Variants in THUMPD3 observed in about 807,000 individuals in gnomAD.
THUMPD3 encodes THUMP domain 3 tRNA guanosine methyltransferase.
In THUMPD3, 44 loss-of-function variants were observed where a neutral mutation model predicts 54.5. That is an observed-to-expected ratio of 0.81 (90% CI 0.63 to 1.04). The LOEUF is 1.04. THUMPD3 is among the 50% of genes least tolerant of loss of function. The probability of loss-of-function intolerance (pLI) is 0.00; values close to 1 mark genes in which losing one functional copy is unlikely to be tolerated. For synonymous variants in THUMPD3, 196 were observed against 201.4 expected (o/e 0.97, Z 0.23); for missense variants, 604 against 601.3 (o/e 1.00, Z -0.05).
At chr3:9,374,334 G>C (rs1289543213) in intron 4 of THUMPD3, among the ~76,000 whole-genome samples, 182 bp from the exon 5 acceptor site, 1 of 152,120 alleles carries the variant, frequency 6.6e-6, no homozygotes, top group Non-Finnish European at 1.5e-5. Flanking sequence ...GTTCTGGGCT[G>C]TGGTGCGCTA....
intron 7 of THUMPD3, among the ~76,000 whole-genome samples, chr3:9,382,553 A>G (rs989751471): frequency 2.0e-5 from 3 of 152,196 alleles, no homozygotes; most frequent in African/African-American, 7.2e-5. Context: ...TAGTTTTACA[A>G]ACTTTATTCT....
chr3:9,377,202 G>A (rs1198513490), intron 5 of THUMPD3, among the ~76,000 whole-genome samples: 1 of 152,038 alleles, frequency 6.6e-6, no homozygotes, highest in Non-Finnish European at 1.5e-5. Context: ...GTATGCATGA[G>A]CGTGTGTGTG....
At chr3:9,365,431 A>G (rs2125306664) in intron 2 of THUMPD3, 111 bp downstream of exon 2, 1 of 1,337,136 alleles carries the variant, frequency 7.5e-7, no homozygotes, top group Non-Finnish European at 1.0e-6. Flanking sequence ...CTCTGCCCCA[A>G]ATCAGGTGAT....
chr3:9,380,230 C>G (rs2032776237), intron 6 of THUMPD3, among the ~76,000 whole-genome samples: 1 of 152,010 alleles, frequency 6.6e-6, no homozygotes, highest in Admixed American at 6.6e-5. Context: ...TACGTACATA[C>G]AAAGTGTTTT....
rs776908580 is a variant in THUMPD3 at position 9,383,327 on chromosome 3, C to G, written c.1235+18C>G. The G allele has an allele frequency of 2.0e-6, 3 of 1,522,406 alleles. No homozygotes were observed. The South Asian group carries it at 3.4e-5, about 17-fold the overall frequency. 94.3% of individuals were successfully genotyped at this position (1,522,406 alleles called of 1,614,324 possible). On this transcript the variant is annotated intron_variant, in intron 8 of 9. Coordinates refer to ENST00000452837, the MANE Select transcript of THUMPD3 (RefSeq NM_001114092.2). ...GGAAAAAGGTGAGAAATACTAGTAC[C>G]TGCTTGTCTTCTAAATATGTCATTA... is the stretch of plus-strand genomic sequence containing the variant.
At chr3:9,369,783 T>C (rs544762668) in intron 3 of THUMPD3, among the ~76,000 whole-genome samples, 4 of 152,346 alleles carry the variant, frequency 2.6e-5, no homozygotes, top group East Asian at 3.9e-4. Context: ...ATCTTTGTGT[T>C]TATCCCATTG....
chr3:9,372,695 C>G (rs2032153199), intron 4 of THUMPD3, among the ~76,000 whole-genome samples: 1 of 152,134 alleles, frequency 6.6e-6, no homozygotes, highest in Non-Finnish European at 1.5e-5. Flanking sequence ...GCTAGATTTC[C>G]AAAGCCAGGT....
rs72624413 is a variant in THUMPD3, at chr3:9,384,912, G to A, written c.*224G>A. The stretch of plus-strand genomic sequence containing the variant: ...TGTAATTCCAGCAGTTTAGGAAGCC[G>A]AAGTGTGCAGATCACCTGAGGTCCG... On this transcript the variant is annotated 3_prime_UTR_variant, in exon 10 of 10. Transcript: ENST00000452837. 0.041 allele frequency: 20,777 copies of A among 507,782 alleles called. 1,693 individuals carry two copies. Among genetic ancestry groups the A allele is most frequent in the East Asian group, 0.33 (8,973 of 27,608 alleles). The allele number at this position is 507,782 out of a possible 1,614,324, so 31.5% of individuals were successfully genotyped here. A position where few individuals can be genotyped will look rare whatever the true frequency, so the allele number is the denominator to read the frequency against.
At chr3:9,384,417 GATTT>G in intron 9 of THUMPD3, 82 bp downstream of exon 9, 2 of 1,596,776 alleles carry the variant, frequency 1.3e-6, no homozygotes, top group Non-Finnish European at 1.7e-6. Flanking sequence ...GTTTGGATAA[GATTT>G]GTTTTCTCTT....
chr3:9,380,736 C>T lies in THUMPD3; in HGVS notation c.1124+118C>T, dbSNP rs761324666. 76 of 530,124 alleles carry T rather than the reference C, an allele frequency of 1.4e-4. No homozygotes were observed. The Middle Eastern group carries it at 2.2e-3, about 15-fold the overall frequency. 32.8% of individuals were successfully genotyped at this position (530,124 alleles called of 1,614,324 possible). A position where few individuals can be genotyped will look rare whatever the true frequency, so the allele number is the denominator to read the frequency against. The stretch of plus-strand genomic sequence containing the variant: ...CGTCATTGTAACCAAAATGAATATA[C>T]TATGAGACTCCATTTACATTTTTAA... On this transcript the variant is annotated intron_variant, in intron 7 of 9. Coordinates refer to ENST00000452837, the MANE Select transcript of THUMPD3 (RefSeq NM_001114092.2).
At chr3:9,375,708 T>C (rs1041348548) in intron 5 of THUMPD3, among the ~76,000 whole-genome samples, 1 of 152,238 alleles carries the variant, frequency 6.6e-6, no homozygotes, top group Non-Finnish European at 1.5e-5. Context: ...GCGAACCTCA[T>C]GGAGTGTACC....
rs1429507990 is a variant in THUMPD3 at position 9,363,093 on chromosome 3, A to G, written c.-88A>G. The G allele has an allele frequency of 1.3e-5, 2 of 152,112 alleles. No individual in the cohort carries two copies. The highest frequency in any genetic ancestry group is 6.5e-5 in the Admixed American group (1 of 15,270). 9.4% of individuals were successfully genotyped at this position (152,112 alleles called of 1,614,324 possible). A position where few individuals can be genotyped will look rare whatever the true frequency, so the allele number is the denominator to read the frequency against. Reference sequence around the variant, plus strand: ...TGACCTGACCGCAAGAGGCCAATGGAGTGTGGGAGCTGAAAGGGTCTTCGC... The same window carrying G: ...TGACCTGACCGCAAGAGGCCAATGGGGTGTGGGAGCTGAAAGGGTCTTCGC... On this transcript the variant is annotated 5_prime_UTR_variant, in exon 1 of 10. Transcript: ENST00000452837.
At position 9,377,798 on chromosome 3, in the gene THUMPD3, A is replaced by T. The variant is rs551029050; in HGVS notation, c.939-21A>T. The T allele has an allele frequency of 1.5e-5, 24 of 1,605,676 alleles. No individual in the cohort carries two copies. In the South Asian group the frequency reaches 2.6e-4, roughly 18 times the overall value. The stretch of plus-strand genomic sequence containing the variant: ...TCAGCTTTTGAGTGAGTCTTCACAT[A>T]GGCTGTTTTCTTTTCTCTAGGCTCT... On this transcript the variant is annotated intron_variant, in intron 5 of 9. Coordinates refer to ENST00000452837, the MANE Select transcript of THUMPD3 (RefSeq NM_001114092.2).
rs545826866 is a variant in THUMPD3, at chr3:9,363,059, C to A, written c.-122C>A. ...TGACTTCCGTTTCCGGGGGCGGCTT[C>A]CGGCGGCGTGACCTGACCGCAAGAG... On this transcript the variant is annotated 5_prime_UTR_variant, in exon 1 of 10. Transcript: ENST00000452837. 6.6e-6 allele frequency: 1 copy of A among 152,446 alleles called. No homozygotes were observed. Among genetic ancestry groups the A allele is most frequent in the African/African-American group, 2.4e-5 (1 of 41,578 alleles). 9.4% of individuals were successfully genotyped at this position (152,446 alleles called of 1,614,324 possible).
chr3:9,383,147 A>G, intron 7 of THUMPD3, 52 bp from the exon 8 acceptor site: 2 of 1,298,220 alleles, frequency 1.5e-6, no homozygotes, highest in South Asian at 1.2e-5. Context: ...AAATTGTTGT[A>G]ATAACTTTAT....
At chr3:9,363,466 G>A (rs2031079130) in intron 1 of THUMPD3, 2 of 152,310 alleles carry the variant, frequency 1.3e-5, no homozygotes, top group South Asian at 4.1e-4. Flanking sequence ...TTTAACGGCG[G>A]GAACTGACGT....
intron 3 of THUMPD3, 102 bp downstream of exon 3, chr3:9,367,087 T>C (rs1012541098): frequency 3.6e-6 from 3 of 842,468 alleles, no homozygotes; most frequent in African/African-American, 3.4e-5. Context: ...CTGTAGTCTT[T>C]GTAATAGAGA....
At chr3:9,375,448 CTCTT>C (rs2032390744) in intron 5 of THUMPD3, among the ~76,000 whole-genome samples, 1 of 152,208 alleles carries the variant, frequency 6.6e-6, no homozygotes, top group Non-Finnish European at 1.5e-5. Context: ...TTGCCCTTCT[CTCTT>C]TTATTGGGTG....
chr3:9,384,258 C>A lies in THUMPD3; in HGVS notation c.1282C>A (p.Arg428=), dbSNP rs374491423. 2 of 1,614,116 alleles carry A rather than the reference C, an allele frequency of 1.2e-6. No homozygotes were observed. Among genetic ancestry groups the A allele is most frequent in the South Asian group, 1.1e-5 (1 of 91,082 alleles). ...RNWNLYPACL[R]EMSRVCTPTT... ...CTGGAACCTTTATCCAGCTTGCCTA[C>A]GGGAGATGAGCCGTGTCTGCACACC... Residue 428 remains arginine, a synonymous_variant, in exon 9 of 10, where the codon CGG becomes AGG. Coordinates refer to ENST00000452837, the MANE Select transcript of THUMPD3 (RefSeq NM_001114092.2).
Sources: allele counts gnomAD v4.1 joint callset (sites outside exome capture counted in the v4.1 genomes callset), GRCh38; gene constraint gnomAD v4.1.1; transcripts MANE v1.5; gene names NCBI Gene and HGNC (gene_info 2026-07-23, HGNC 2026-07-21).